The following PELI1 variants were observed in gnomAD, a reference collection of about 807,000 sequenced individuals.
The protein encoded by PELI1 is pellino E3 ubiquitin protein ligase 1.
Under a neutral mutation model 41.3 loss-of-function variants are expected in PELI1, and 15 were observed. The observed-to-expected ratio is 0.36, with a 90% CI of 0.24 to 0.56. The LOEUF is 0.56. Among genes scored for constraint, PELI1 ranks in the 20% least tolerant of loss-of-function variants. The pLI is 0.82. For synonymous variants in PELI1, 178 were observed against 180.1 expected, an observed-to-expected ratio of 0.99 and a Z score of 0.09; for missense variants, 403 against 525.5, an observed-to-expected ratio of 0.77 and a Z score of 2.28.
intron 4 of PELI1, among the ~76,000 whole-genome samples, chr2:64,098,789 A>G (rs1367127200): frequency 6.6e-6 from 1 of 152,204 alleles, no homozygotes; most frequent in African/African-American, 2.4e-5. Context: ...CAATTCCTCA[A>G]AGACTGGCTA....
chr2:64,100,580 A>G (rs1305300301), intron 3 of PELI1, 81 bp from the exon 4 acceptor site: 1 of 776,794 alleles, frequency 1.3e-6, no homozygotes, highest in African/African-American at 1.7e-5. Context: ...AAAAGGGAAA[A>G]CTATTTATCA....
intron 1 of PELI1, among the ~76,000 whole-genome samples, chr2:64,111,150 TCTC>T (rs1203836584): frequency 2.6e-5 from 4 of 151,970 alleles, no homozygotes; most frequent in African/African-American, 9.7e-5. Flanking sequence ...CCCATAAAAG[TCTC>T]CTCATTTTAT....
At chr2:64,143,914 G>C (rs1192450455) in intron 1 of PELI1, among the ~76,000 whole-genome samples, 167 bp downstream of exon 1, 1 of 151,430 alleles carries the variant, frequency 6.6e-6, no homozygotes, top group Admixed American at 6.6e-5. Flanking sequence ...GCGGGATGCA[G>C]GCGCCGCAAA....
At position 64,100,423 on chromosome 2, in the gene PELI1, T is replaced by C. The variant is rs746282228; in HGVS notation, c.278A>G (p.His93Arg). The stretch of plus-strand genomic sequence containing the variant: ...CTGAAACATATCGGTGTTGCTGTCA[T>C]GAGTATATTCAACCACCACAGTCTG... ...RAQTVVVEYT[H>R]DSNTDMFQIG... is the part of the protein sequence containing the mutation. The change falls in exon 4 of 7, where the codon CAT becomes CGT. Residue 93 changes from histidine to arginine, a missense_variant. Transcript: ENST00000358912. 9 of 1,555,956 alleles carry C rather than the reference T, an allele frequency of 5.8e-6. No homozygotes were observed. In the South Asian group the frequency reaches 7.8e-5, roughly 13 times the overall value.
chr2:64,114,784 T>C (rs922691941), intron 1 of PELI1, among the ~76,000 whole-genome samples: 3 of 152,316 alleles, frequency 2.0e-5, no homozygotes, highest in South Asian at 2.1e-4. Flanking sequence ...TAGATGCCAG[T>C]AGAACATTCT....
intron 3 of PELI1, among the ~76,000 whole-genome samples, chr2:64,103,986 C>T (rs190369629): frequency 1.3e-5 from 2 of 152,250 alleles, no homozygotes; most frequent in East Asian, 3.9e-4. Flanking sequence ...TGAAATTCCC[C>T]CTCCTTGTCT....
intron 1 of PELI1, among the ~76,000 whole-genome samples, chr2:64,129,269 C>G (rs1317410503): frequency 6.6e-6 from 1 of 152,080 alleles, no homozygotes; most frequent in Non-Finnish European, 1.5e-5. Flanking sequence ...CCAACATATT[C>G]AGAACAAAAT....
chr2:64,107,838 C>T (rs1228459593), intron 2 of PELI1, among the ~76,000 whole-genome samples: 4 of 152,076 alleles, frequency 2.6e-5, no homozygotes, highest in African/African-American at 9.7e-5. Flanking sequence ...TCATCACGCC[C>T]GGCTAATTTT....
At chr2:64,141,949 C>A (rs1681926876) in intron 1 of PELI1, among the ~76,000 whole-genome samples, 1 of 152,078 alleles carries the variant, frequency 6.6e-6, no homozygotes, top group South Asian at 2.1e-4. Flanking sequence ...TTGAAAATAC[C>A]ACAGAAAAAG....
chr2:64,126,403 C>G (rs1248354351), intron 1 of PELI1, among the ~76,000 whole-genome samples: 1 of 152,182 alleles, frequency 6.6e-6, no homozygotes, highest in Non-Finnish European at 1.5e-5. Context: ...ACCTCGTGAT[C>G]TGCCTGCCTT....
intron 1 of PELI1, among the ~76,000 whole-genome samples, chr2:64,117,489 A>G (rs566282661): frequency 7.4e-6 from 1 of 135,148 alleles, no homozygotes; most frequent in South Asian, 2.5e-4. Context: ...TCTAAATCAA[A>G]TATCTAAATA....
intron 1 of PELI1, among the ~76,000 whole-genome samples, chr2:64,138,761 C>T (rs559868940): frequency 6.6e-6 from 1 of 152,182 alleles, no homozygotes; most frequent in Admixed American, 6.5e-5. Context: ...AAGCAAAAAA[C>T]TGCATCCTCC....
chr2:64,138,482 C>T (rs2103747697), intron 1 of PELI1, among the ~76,000 whole-genome samples: 1 of 152,256 alleles, frequency 6.6e-6, no homozygotes, highest in East Asian at 1.9e-4. Context: ...AATCCCAGCA[C>T]TTTGGGAGGC....
chr2:64,118,792 ATC>A (rs906295209), intron 1 of PELI1, among the ~76,000 whole-genome samples: 1 of 152,182 alleles, frequency 6.6e-6, no homozygotes, highest in African/African-American at 2.4e-5. Context: ...AAAGGTCCAG[ATC>A]TCTTTCTTGA....
At chr2:64,097,708 C>T (rs1413716627) in intron 4 of PELI1, among the ~76,000 whole-genome samples, 1 of 152,148 alleles carries the variant, frequency 6.6e-6, no homozygotes, top group Non-Finnish European at 1.5e-5. Context: ...AAAATACTGA[C>T]CCTCTACAAA....
chr2:64,109,003 C>T (rs1680712196), intron 1 of PELI1, among the ~76,000 whole-genome samples: 1 of 152,208 alleles, frequency 6.6e-6, no homozygotes, highest in East Asian at 1.9e-4. Flanking sequence ...CCTTGACTTC[C>T]AGCTCATAAA....
intron 1 of PELI1, among the ~76,000 whole-genome samples, chr2:64,116,487 A>G (rs1387555235): frequency 6.6e-6 from 1 of 152,318 alleles, no homozygotes; most frequent in African/African-American, 2.4e-5. Flanking sequence ...AAATCCTATC[A>G]TTTTCTAAAG....
At chr2:64,126,693 C>T (rs774279196) in intron 1 of PELI1, among the ~76,000 whole-genome samples, 7 of 151,534 alleles carry the variant, frequency 4.6e-5, no homozygotes, top group East Asian at 1.9e-4. Context: ...CCATAAATAC[C>T]GTAAGACTTC....
intron 4 of PELI1, among the ~76,000 whole-genome samples, chr2:64,098,666 G>A (rs1189188131): frequency 6.6e-6 from 1 of 152,166 alleles, no homozygotes; most frequent in African/African-American, 2.4e-5. Context: ...TCTCCCTTAT[G>A]TACTTCATAG....
Sources: allele counts gnomAD v4.1 joint callset (sites outside exome capture counted in the v4.1 genomes callset), GRCh38; gene constraint gnomAD v4.1.1; transcripts MANE v1.5; gene names NCBI Gene and HGNC (gene_info 2026-07-23, HGNC 2026-07-21).